Variants in KLHDC4 observed in about 807,000 individuals in gnomAD.
The protein encoded by KLHDC4 is kelch domain containing 4.
Under a neutral mutation model 62.4 loss-of-function variants are expected in KLHDC4, and 90 were observed. That is an observed-to-expected ratio of 1.44 (90% confidence interval 1.22 to 1.72). KLHDC4 has a LOEUF of 1.72. Among genes scored for constraint, KLHDC4 ranks in the 40% most tolerant of loss-of-function variants. The pLI, the probability that KLHDC4 is intolerant of heterozygous loss-of-function variation, is 0.00. For synonymous variants in KLHDC4, 386 were observed against 284.4 expected (o/e 1.36, Z -3.59); for missense variants, 1,025 against 699.7 (o/e 1.47, Z -5.25).
At chr16:87,704,214 A>G (rs1166680518), downstream of KLHDC4, among the ~76,000 whole-genome samples, 1 of 152,194 alleles carries the variant, frequency 6.6e-6, no homozygotes, top group Non-Finnish European at 1.5e-5. Flanking sequence ...CGTCACCTGA[A>G]CGACACGTGG....
chr16:87,735,523 G>T (rs1232316702), intron 5 of KLHDC4, among the ~76,000 whole-genome samples: 3 of 152,218 alleles, frequency 2.0e-5, no homozygotes, highest in South Asian at 4.1e-4. Flanking sequence ...CCCCACCAGA[G>T]TCTCATCCTC....
At chr16:87,706,133 C>T (rs889464133), downstream of KLHDC4, among the ~76,000 whole-genome samples, 7 of 139,164 alleles carry the variant, frequency 5.0e-5, no homozygotes, top group African/African-American at 1.9e-4. Context: ...ACACAAGCTG[C>T]AGCCCTCGCG....
rs558038697 is a variant in KLHDC4, at chr16:87,739,501, C to T, written c.507-8857G>A. Among the ~76,000 whole-genome samples, 9 of 149,146 alleles carry T rather than the reference C, an allele frequency of 6.0e-5. No individual in the cohort carries two copies. In the South Asian group the frequency reaches 2.0e-3, roughly 34 times the overall value. On this transcript the variant is annotated intron_variant, in intron 5 of 11. Coordinates refer to ENST00000270583, the MANE Select transcript of KLHDC4 (RefSeq NM_017566.4). Reference sequence around the variant, plus strand: ...CACACCAGCACGTCATCCATCCACACACCAGCACCTCATCCACACACCAGC... The same window carrying T: ...CACACCAGCACGTCATCCATCCACATACCAGCACCTCATCCACACACCAGC...
intron 3 of KLHDC4, 44 bp downstream of exon 3, chr16:87,756,355 T>A (rs1567823327): frequency 2.9e-6 from 4 of 1,370,442 alleles, no homozygotes; most frequent in Non-Finnish European, 4.2e-6. Flanking sequence ...TGTCAAATGA[T>A]ACTCACGCAA....
intron 6 of KLHDC4, 79 bp from the exon 7 acceptor site, chr16:87,727,003 T>A: frequency 1.4e-6 from 2 of 1,468,396 alleles, no homozygotes; most frequent in Non-Finnish European, 9.4e-7. Context: ...TGATTTAAAT[T>A]AAAGGTAAAT....
In KLHDC4 at chr16:87,730,600, GCCACCATCCGATGT is replaced by G; in HGVS notation, c.537_550del (p.His180LeufsTer13). 9 of 1,613,112 alleles carry G rather than the reference GCCACCATCCGATGT, an allele frequency of 5.6e-6. No homozygotes were observed. The highest frequency in any genetic ancestry group is 2.5e-6 in the Non-Finnish European group (3 of 1,179,808). On this transcript the variant is annotated frameshift_variant, in exon 6 of 12. Transcript: ENST00000270583. LOFTEE classifies it high-confidence loss of function. ...AAACAGGATCAATTGTCTCTTCCAG[GCCACCATCCGATGT>G]CCACTCCGACCCGAAGGACCGCCTG...
chr16:87,732,099 T>TG (rs1170345527), intron 5 of KLHDC4, among the ~76,000 whole-genome samples: 15 of 125,016 alleles, frequency 1.2e-4, no homozygotes, highest in Non-Finnish European at 2.6e-4. Flanking sequence ...GCATATTTCT[T>TG]TTTTTTTTTT....
chr16:87,751,293 G>C (rs7500278), intron 4 of KLHDC4, among the ~76,000 whole-genome samples: 33,420 of 151,922 alleles, frequency 0.22, 3,961 homozygotes, highest in South Asian at 0.31. Flanking sequence ...GACCAACATG[G>C]TGAAACCCTG....
intron 1 of KLHDC4, chr16:87,765,206 G>A (rs770385798): frequency 4.4e-5 from 20 of 455,928 alleles, no homozygotes; most frequent in South Asian, 2.8e-4. Flanking sequence ...CAGACCCCGG[G>A]CTGAGGACCA....
At chr16:87,715,465 G>A (rs755965407) in intron 7 of KLHDC4, among the ~76,000 whole-genome samples, 1 of 152,154 alleles carries the variant, frequency 6.6e-6, no homozygotes, top group East Asian at 1.9e-4. Flanking sequence ...GTGCTCCGCA[G>A]CTCATCCTGC....
In KLHDC4 at chr16:87,765,906, G is replaced by A. The variant is rs528632579; in HGVS notation, c.-16C>T. ...TCTTGCCCATCTTGCCGGGTCCCAA[G>A]CCGCGACGGGACACCAGGAAAGAAA... On this transcript the variant is annotated 5_prime_UTR_variant, in exon 1 of 12. Coordinates refer to ENST00000270583, the MANE Select transcript of KLHDC4 (RefSeq NM_017566.4). The A allele has an allele frequency of 2.1e-5, 32 of 1,550,360 alleles. 1 individual carries two copies. The highest frequency in any genetic ancestry group is 3.9e-5 in the Admixed American group (2 of 50,984).
At chr16:87,733,286 T>A (rs1022323779) in intron 5 of KLHDC4, among the ~76,000 whole-genome samples, 3 of 152,248 alleles carry the variant, frequency 2.0e-5, no homozygotes, top group African/African-American at 7.2e-5. Flanking sequence ...CAGGCGTGAC[T>A]TTCACAACCA....
chr16:87,706,475 C>A (rs1247148609), downstream of KLHDC4, among the ~76,000 whole-genome samples: 1 of 152,114 alleles, frequency 6.6e-6, no homozygotes, highest in Admixed American at 6.5e-5. Context: ...AAGCTGCAGC[C>A]CTCGAGGGGG....
At chr16:87,742,645 C>G (rs1428204064) in intron 5 of KLHDC4, among the ~76,000 whole-genome samples, 1 of 152,140 alleles carries the variant, frequency 6.6e-6, no homozygotes, top group African/African-American at 2.4e-5. Flanking sequence ...ACACATCAAC[C>G]TGCTCTGAAT....
intron 1 of KLHDC4, among the ~76,000 whole-genome samples, chr16:87,764,484 T>C (rs1426860767): frequency 2.0e-5 from 3 of 151,786 alleles, no homozygotes; most frequent in East Asian, 1.9e-4. Flanking sequence ...ACCCGGTCTC[T>C]ATTAAAAATA....
downstream of KLHDC4, chr16:87,703,455 A>C (rs1250185817): frequency 5.2e-5 from 8 of 152,516 alleles, no homozygotes; most frequent in Non-Finnish European, 1.2e-4. Flanking sequence ...GGAGGACACA[A>C]AAATAACCAG....
rs552493384 is a variant in KLHDC4, at chr16:87,749,365, C to A, written c.370-556G>T. On this transcript the variant is annotated intron_variant, in intron 4 of 11. Transcript: ENST00000270583. ...GATCAAGAAATAGAGACCATCCTGGCCAACATGGTGAAACCCCATCTCTAC... is the reference window on the plus strand; with the variant it reads ...GATCAAGAAATAGAGACCATCCTGGACAACATGGTGAAACCCCATCTCTAC... Among the ~76,000 whole-genome samples the A allele has an allele frequency of 8.5e-5, 13 of 152,050 alleles. No individual in the cohort carries two copies. In the East Asian group the frequency reaches 1.9e-3, roughly 23 times the overall value.
chr16:87,707,387 A>G (rs1436774310), downstream of KLHDC4, among the ~76,000 whole-genome samples: 1 of 152,216 alleles, frequency 6.6e-6, no homozygotes, highest in Non-Finnish European at 1.5e-5. Flanking sequence ...TGGTCCCACC[A>G]CAGCCTCCCA....
chr16:87,732,103 T>TC (rs2040482804), intron 5 of KLHDC4, among the ~76,000 whole-genome samples: 1 of 150,586 alleles, frequency 6.6e-6, no homozygotes, highest in African/African-American at 2.4e-5. Flanking sequence ...ATTTCTTTTT[T>TC]TTTTTTTTTT....
Sources: gnomAD v4.1 joint callset for allele counts (sites outside exome capture counted in the v4.1 genomes callset) on GRCh38, gnomAD v4.1.1 for gene constraint, MANE v1.5 for transcripts, NCBI Gene and HGNC (gene_info 2026-07-23, HGNC 2026-07-21) for gene names.